The following ANOS1 variants were observed in gnomAD, a reference collection of about 807,000 sequenced individuals.
The protein encoded by ANOS1 is anosmin-1.
A neutral mutation model predicts 59.0 loss-of-function variants in ANOS1; 6 were observed. The observed-to-expected ratio is 0.10, with a 90% CI of 0.06 to 0.20. The LOEUF is 0.20. Among genes scored for constraint, ANOS1 ranks in the 10% least tolerant of loss-of-function variants. The pLI, the probability that ANOS1 is intolerant of heterozygous loss-of-function variation, is 1.00. For synonymous variants in ANOS1, 217 were observed against 223.4 expected (o/e 0.97, Z 0.25); for missense variants, 433 against 542.3 (o/e 0.80, Z 2.00).
intron 3 of ANOS1, among the ~76,000 whole-genome samples, chrX:8,619,530 G>A (rs1216095160): frequency 9.0e-6 from 1 of 111,455 alleles, no homozygotes; most frequent in Admixed American, 9.5e-5. Flanking sequence ...CTGGAACCTG[G>A]GAGGCAGAGG....
In ANOS1 at chrX:8,531,626, C is replaced by T. The variant is rs1918154; in HGVS notation, c.*1369G>A. ...ATCTTTACTCACCATTGGTGAGCTA[C>T]GAAAACGATTTCTCCAGGGATTCAT... On this transcript the variant is annotated 3_prime_UTR_variant, in exon 14 of 14. Transcript: ENST00000262648. 0.38 allele frequency: 41,948 copies of T among 110,009 alleles called. 5,977 individuals are homozygous for T. Among genetic ancestry groups the T allele is most frequent in the East Asian group, 0.76 (2,626 of 3,457 alleles). 9.1% of individuals were successfully genotyped at this position (110,009 alleles called of 1,213,427 possible). A position where few individuals can be genotyped will look rare whatever the true frequency, so the allele number is the denominator to read the frequency against.
intron 2 of ANOS1, among the ~76,000 whole-genome samples, chrX:8,666,737 C>G (rs1042916576): frequency 8.9e-6 from 1 of 112,187 alleles, no homozygotes; most frequent in Non-Finnish European, 1.9e-5. Flanking sequence ...CTAAATGAAA[C>G]TGTGGCGTCC....
At chrX:8,610,881 G>A (rs1931044065) in intron 3 of ANOS1, among the ~76,000 whole-genome samples, 1 of 111,373 alleles carries the variant, frequency 9.0e-6, no homozygotes, top group South Asian at 3.8e-4. Context: ...ACACTTTCTG[G>A]AAAGATACAG....
intron 2 of ANOS1, among the ~76,000 whole-genome samples, chrX:8,653,615 T>C (rs1931883300): frequency 8.9e-6 from 1 of 111,786 alleles, no homozygotes; most frequent in Admixed American, 9.6e-5. Flanking sequence ...ACATGACCTT[T>C]TTACCTTACT....
At chrX:8,690,387 T>A in intron 2 of ANOS1, among the ~76,000 whole-genome samples, 2 of 112,164 alleles carry the variant, frequency 1.8e-5, no homozygotes, top group South Asian at 7.4e-4. Flanking sequence ...ATATATAAAG[T>A]CAAGAGATAT....
At chrX:8,646,083 C>T (rs984957376) in intron 2 of ANOS1, among the ~76,000 whole-genome samples, 2 of 112,240 alleles carry the variant, frequency 1.8e-5, no homozygotes, top group African/African-American at 3.2e-5. Context: ...CGTGAGCCAC[C>T]GTGCTGGGAC....
chrX:8,568,267 G>C lies in ANOS1; in HGVS notation c.1172C>G (p.Ser391Cys). The C allele has an allele frequency of 8.3e-7, 1 of 1,210,429 alleles. No homozygotes were observed. Among genetic ancestry groups the C allele is most frequent in the Non-Finnish European group, 1.1e-6 (1 of 894,634 alleles). Residue 391 changes from serine to cysteine, a missense_variant, in exon 8 of 14, where the codon TCC becomes TGC. Ser to Cys is a moderately radical substitution (Grantham distance 112). Transcript: ENST00000262648. ...GQTRLKSAKVSLHFTSTHATN... is the reference protein window; with the variant it reads ...GQTRLKSAKVCLHFTSTHATN... ...TGCATGTGTCGATGTGAAGTGAAGGGACACCTTTGCACTCTTCAGCCGTGT... is the reference window on the plus strand; with the variant it reads ...TGCATGTGTCGATGTGAAGTGAAGGCACACCTTTGCACTCTTCAGCCGTGT...
At chrX:8,624,162 C>T (rs1253036015) in intron 2 of ANOS1, among the ~76,000 whole-genome samples, 1 of 107,942 alleles carries the variant, frequency 9.3e-6, no homozygotes, top group African/African-American at 3.4e-5. Context: ...ATTACAGGCG[C>T]CTGCCACCAC....
At chrX:8,606,247 T>C (rs1930941048) in intron 3 of ANOS1, among the ~76,000 whole-genome samples, 1 of 112,336 alleles carries the variant, frequency 8.9e-6, no homozygotes, top group African/African-American at 3.2e-5. Context: ...ATTTACAAAA[T>C]TAAGCATACA....
At chrX:8,702,936 G>A (rs1005327291) in intron 1 of ANOS1, among the ~76,000 whole-genome samples, 4 of 112,095 alleles carry the variant, frequency 3.6e-5, no homozygotes, top group African/African-American at 1.3e-4. Flanking sequence ...GGTCAGTGGG[G>A]TTCTGCTCCT....
At chrX:8,581,671 A>T (rs1294192414) in intron 6 of ANOS1, among the ~76,000 whole-genome samples, 1 of 112,062 alleles carries the variant, frequency 8.9e-6, no homozygotes, top group African/African-American at 3.2e-5. Context: ...TAACCAGTAC[A>T]CTAACAAGAT....
At chrX:8,548,723 T>C (rs904085080) in intron 9 of ANOS1, among the ~76,000 whole-genome samples, 3 of 112,360 alleles carry the variant, frequency 2.7e-5, no homozygotes, top group African/African-American at 6.5e-5. Flanking sequence ...TAGAAATATA[T>C]TTGAAATCAG....
intron 6 of ANOS1, among the ~76,000 whole-genome samples, chrX:8,575,855 G>A (rs1930311156): frequency 9.0e-6 from 1 of 111,224 alleles, no homozygotes; most frequent in Non-Finnish European, 1.9e-5. Context: ...TGTAATCTTA[G>A]TGCTTTGGGA....
chrX:8,547,740 C>T (rs1424117165), intron 9 of ANOS1, among the ~76,000 whole-genome samples: 4 of 111,094 alleles, frequency 3.6e-5, no homozygotes, highest in African/African-American at 1.3e-4. Context: ...TTTTTTTTGA[C>T]GGTGTCTCGC....
At chrX:8,656,842 T>A (rs113602731) in intron 2 of ANOS1, among the ~76,000 whole-genome samples, 2 of 111,691 alleles carry the variant, frequency 1.8e-5, no homozygotes, top group South Asian at 3.8e-4. Context: ...CCCAGACACA[T>A]GCTGAGGGAG....
At chrX:8,664,048 G>A (rs1184261188) in intron 2 of ANOS1, among the ~76,000 whole-genome samples, 1 of 111,360 alleles carries the variant, frequency 9.0e-6, no homozygotes, top group East Asian at 2.8e-4. Context: ...GCCTGTCAAA[G>A]GGGTGGGGGA....
At chrX:8,645,548 C>G (rs1326077338) in intron 2 of ANOS1, among the ~76,000 whole-genome samples, 1 of 111,983 alleles carries the variant, frequency 8.9e-6, no homozygotes, top group African/African-American at 3.2e-5. Flanking sequence ...CTCCACTCTT[C>G]TTCTGAATGT....
chrX:8,563,464 T>A (rs1930063829), intron 8 of ANOS1, among the ~76,000 whole-genome samples: 1 of 112,525 alleles, frequency 8.9e-6, no homozygotes, highest in African/African-American at 3.2e-5. Flanking sequence ...AAACTCTCAC[T>A]GGTAAAGATA....
chrX:8,582,626 G>A (rs911319195), intron 6 of ANOS1, among the ~76,000 whole-genome samples: 2 of 111,450 alleles, frequency 1.8e-5, no homozygotes, highest in Non-Finnish European at 3.8e-5. Flanking sequence ...GGATCACTCA[G>A]GTGGCTGCGT....
Sources: gnomAD v4.1 joint callset for allele counts (sites outside exome capture counted in the v4.1 genomes callset) on GRCh38, gnomAD v4.1.1 for gene constraint, MANE v1.5 for transcripts, NCBI Gene and HGNC (gene_info 2026-07-23, HGNC 2026-07-21) for gene names.